CD46: variants seen among roughly 807,000 people sequenced by gnomAD.
The protein encoded by CD46 is CD46 molecule.
In CD46, 30 loss-of-function variants were observed where a neutral mutation model predicts 53.3. That is an observed-to-expected ratio of 0.56 (90% CI 0.42 to 0.76). CD46 has a LOEUF of 0.76. Among genes scored for constraint, CD46 ranks in the 30% least tolerant of loss-of-function variants. CD46 has a pLI of 0.00. For missense variants in CD46, 409 were observed against 463.0 expected (o/e 0.88, Z 1.07); for synonymous variants, 142 against 152.0 (o/e 0.93, Z 0.48).
chr1:207,767,590 A>C, intron 6 of CD46, 189 bp from the exon 7 acceptor site: 1 of 1,604,822 alleles, frequency 6.2e-7, no homozygotes, highest in East Asian at 2.2e-5. Flanking sequence ...ATCTTCTAAC[A>C]TTATTTTGTT....
At position 207,761,087 on chromosome 1, in the gene CD46, G is replaced by A. The variant is rs1656142069; in HGVS notation, c.476-162G>A. 9 of 601,516 alleles carry A rather than the reference G, an allele frequency of 1.5e-5. 1 individual carries two copies. Among genetic ancestry groups the A allele is most frequent in the South Asian group, 1.4e-4 (7 of 49,034 alleles). The allele number at this position is 601,516 out of a possible 1,614,324, so 37.3% of individuals were successfully genotyped here. A position where few individuals can be genotyped will look rare whatever the true frequency, so the allele number is the denominator to read the frequency against. ...GTTACTACATTAATGGTTTGAATTT[G>A]GGATGATATATTTGCTCATAGAAAC... On this transcript the variant is annotated intron_variant, in intron 4 of 12. Coordinates refer to ENST00000367042, the MANE Select transcript of CD46 (RefSeq NM_172351.3).
intron 8 of CD46, among the ~76,000 whole-genome samples, chr1:207,776,664 T>C (rs1658148071): frequency 6.6e-6 from 1 of 152,236 alleles, no homozygotes; most frequent in Non-Finnish European, 1.5e-5. Flanking sequence ...GGTCTCACTC[T>C]GTTGCCCAGG....
chr1:207,769,767 CT>C (rs894608374), intron 7 of CD46: 66 of 149,264 alleles, frequency 4.4e-4, no homozygotes, highest in South Asian at 1.2e-3. Flanking sequence ...AGCACATTCC[CT>C]TTTTTTTTTT....
At chr1:207,774,712 C>T (rs1657906243) in intron 8 of CD46, among the ~76,000 whole-genome samples, 1 of 152,200 alleles carries the variant, frequency 6.6e-6, no homozygotes, top group South Asian at 2.1e-4. Context: ...ATATTGGCCC[C>T]CATTCTTTTA....
rs1237800929 is a variant in CD46 at position 207,757,168 on chromosome 1, T to G, written c.252T>G (p.His84Gln). The change falls in exon 2 of 13, where the codon CAT becomes CAG. Residue 84 changes from histidine (H) to glutamine (Q), a missense_variant. Physicochemically the swap from His to Gln is conservative, Grantham distance 24 (BLOSUM62 0). Coordinates refer to ENST00000367042, the MANE Select transcript of CD46 (RefSeq NM_172351.3). ...LATHTICDRN[H>Q]TWLPVSDDAC... ...CCCATACTATTTGTGATCGGAATCA[T>G]ACATGGCTACCTGTCTCAGATGACG... The G allele has an allele frequency of 6.2e-7, 1 of 1,613,944 alleles. No individual in the cohort carries two copies. The highest frequency in any genetic ancestry group is 8.5e-7 in the Non-Finnish European group (1 of 1,179,960).
At chr1:207,766,907 T>C in intron 5 of CD46, 106 bp from the exon 6 acceptor site, 1 of 823,436 alleles carries the variant, frequency 1.2e-6, no homozygotes, top group Admixed American at 2.2e-5. Flanking sequence ...TTTTAACATC[T>C]TGCATTCCAT....
chr1:207,778,811 G>C (rs1402582116), intron 8 of CD46, among the ~76,000 whole-genome samples: 1 of 152,026 alleles, frequency 6.6e-6, no homozygotes. Context: ...GTTTTTTCTA[G>C]TTCTGTGAAG....
chr1:207,789,836 T>C (rs999547670), intron 11 of CD46, among the ~76,000 whole-genome samples: 6 of 118,372 alleles, frequency 5.1e-5, no homozygotes, highest in African/African-American at 2.0e-4. Flanking sequence ...GAGTTTGAGA[T>C]CAGCCTGGGC....
rs1335748754 is a variant in CD46 at position 207,757,095 on chromosome 1, T to C, written c.179T>C (p.Val60Ala). 3 of 1,613,712 alleles carry C rather than the reference T, an allele frequency of 1.9e-6. No homozygotes were observed. Among genetic ancestry groups the C allele is most frequent in the Non-Finnish European group, 2.5e-6 (3 of 1,179,772 alleles). ...CCCTACTATGAGATTGGTGAACGAG[T>C]AGATTATAAGTGTAAAAAAGGATAC... Reference protein sequence around the residue: ...PKPYYEIGERVDYKCKKGYFY... With the variant: ...PKPYYEIGERADYKCKKGYFY... The change falls in exon 2 of 13, where the codon GTA becomes GCA. Residue 60 changes from valine (V) to alanine (A), a missense_variant. Coordinates refer to ENST00000367042, the MANE Select transcript of CD46 (RefSeq NM_172351.3).
At chr1:207,755,026 G>C (rs933575979) in intron 1 of CD46, among the ~76,000 whole-genome samples, 3 of 151,678 alleles carry the variant, frequency 2.0e-5, no homozygotes, top group African/African-American at 7.3e-5. Flanking sequence ...GAGACTGAAG[G>C]GGGAGGATCA....
At position 207,784,959 on chromosome 1, in the gene CD46, G is replaced by A; in HGVS notation, c.983-112G>A. On this transcript the variant is annotated intron_variant, in intron 9 of 12. Coordinates refer to ENST00000367042, the MANE Select transcript of CD46 (RefSeq NM_172351.3). ...TTATGGGAATTGCGATTCAAGATGA[G>A]ATTTGGGTGGGGACACAGCCAAACC... is the stretch of plus-strand genomic sequence containing the variant. 3.5e-6 allele frequency: 3 copies of A among 867,366 alleles called. No homozygotes were observed. The South Asian group carries it at 4.2e-5, about 12-fold the overall frequency. The allele number at this position is 867,366 out of a possible 1,614,324, so 53.7% of individuals were successfully genotyped here.
intron 8 of CD46, among the ~76,000 whole-genome samples, chr1:207,779,673 C>T (rs1036553043): frequency 6.6e-6 from 1 of 152,058 alleles, no homozygotes; most frequent in African/African-American, 2.4e-5. Flanking sequence ...GGTCTTTGCA[C>T]TTAAATCATT....
At chr1:207,766,696 A>T (rs888543801) in intron 5 of CD46, among the ~76,000 whole-genome samples, 41 of 152,152 alleles carry the variant, frequency 2.7e-4, no homozygotes, top group African/African-American at 9.4e-4. Flanking sequence ...AAAAGCAGCC[A>T]GTGAGTGGGG....
In CD46 at chr1:207,757,537, C is replaced by T. The variant is rs191851699; in HGVS notation, c.287-3C>T. On this transcript the variant is annotated splice_region_variant and splice_polypyrimidine_tract_variant and intron_variant, in intron 2 of 12. Transcript: ENST00000367042. ...GAAAACTATCAAAATTATTTTCTTTCAGGAGAAACATGTCCATATATACGG... is the reference window on the plus strand; with the variant it reads ...GAAAACTATCAAAATTATTTTCTTTTAGGAGAAACATGTCCATATATACGG... The T allele has an allele frequency of 1.3e-6, 2 of 1,571,736 alleles. No individual in the cohort carries two copies. The highest frequency in any genetic ancestry group is 1.7e-5 in the Admixed American group (1 of 59,102).
chr1:207,783,970 A>G (rs1659036589), intron 9 of CD46, among the ~76,000 whole-genome samples: 1 of 152,244 alleles, frequency 6.6e-6, no homozygotes, highest in Non-Finnish European at 1.5e-5. Flanking sequence ...ATGGCAGTTT[A>G]GAAGCAAAGG....
At chr1:207,763,693 A>G (rs1471192688) in intron 5 of CD46, among the ~76,000 whole-genome samples, 2 of 149,976 alleles carry the variant, frequency 1.3e-5, no homozygotes, top group Admixed American at 6.6e-5. Context: ...TTTTCAATGT[A>G]TTTTTTTTCT....
At chr1:207,757,874 G>T (rs1300378207) in intron 3 of CD46, among the ~76,000 whole-genome samples, 2 of 152,198 alleles carry the variant, frequency 1.3e-5, no homozygotes, top group Admixed American at 6.5e-5. Context: ...TAAGTCTGTT[G>T]TAAGCATTAA....
chr1:207,777,223 C>T (rs879825236), intron 8 of CD46, among the ~76,000 whole-genome samples: 4 of 152,094 alleles, frequency 2.6e-5, no homozygotes, highest in Admixed American at 2.6e-4. Context: ...TCAAACATTA[C>T]AAAAGTATAT....
At chr1:207,786,781 T>A (rs961875065) in intron 11 of CD46, among the ~76,000 whole-genome samples, 1 of 152,204 alleles carries the variant, frequency 6.6e-6, no homozygotes. Context: ...ATCCCTTCAC[T>A]TGAATCTTAA....
Sources: gnomAD v4.1 joint callset for allele counts (sites outside exome capture counted in the v4.1 genomes callset) on GRCh38, gnomAD v4.1.1 for gene constraint, MANE v1.5 for transcripts, NCBI Gene and HGNC (gene_info 2026-07-23, HGNC 2026-07-21) for gene names.